The following DLG2 variants were observed in gnomAD, a reference collection of about 807,000 sequenced individuals.
The protein encoded by DLG2 is disks large homolog 2.
In DLG2, 45 loss-of-function variants were observed where a neutral mutation model predicts 132.5. The ratio of observed to expected loss-of-function variants is 0.34; its 90% CI spans 0.27 to 0.44. The LOEUF is 0.44. DLG2 is among the 20% of genes least tolerant of loss of function. The pLI is 1.00. For synonymous variants in DLG2, 424 were observed against 419.6 expected, an observed-to-expected ratio of 1.01 and a Z score of -0.13; for missense variants, 1,045 against 1,196.9, an observed-to-expected ratio of 0.87 and a Z score of 1.87.
chr11:83,668,704 CACATATATAT>C (rs2076190136), intron 18 of DLG2, among the ~76,000 whole-genome samples: 1 of 22,672 alleles, frequency 4.4e-5, no homozygotes, highest in Non-Finnish European at 8.5e-5. Flanking sequence ...TGTATATAAA[CACATATATAT>C]GTGTATATAA....
intron 21 of DLG2, among the ~76,000 whole-genome samples, chr11:83,527,598 T>A (rs1592528208): frequency 6.6e-6 from 1 of 152,116 alleles, no homozygotes; most frequent in Admixed American, 6.6e-5. Context: ...GTTTTTATAA[T>A]GGCTACTCAT....
At chr11:84,369,657 C>T (rs1027182749) in intron 7 of DLG2, among the ~76,000 whole-genome samples, 3 of 152,108 alleles carry the variant, frequency 2.0e-5, no homozygotes, top group South Asian at 4.1e-4. Flanking sequence ...CTTCATGCCA[C>T]AGACATGGTT....
chr11:84,869,086 G>A lies in DLG2; in HGVS notation c.357+242575C>T, dbSNP rs530057536. Among the ~76,000 whole-genome samples the A allele has an allele frequency of 5.3e-5, 8 of 152,254 alleles. No homozygotes were observed. In the South Asian group the frequency reaches 1.5e-3, roughly 28 times the overall value. On this transcript the variant is annotated intron_variant, in intron 6 of 27. Coordinates refer to ENST00000376104, the MANE Select transcript of DLG2 (RefSeq NM_001142699.3). ...AAAATGTACATTTAGGTTCCTACTTGCCTATTTGTTACAGCTGCTGTAATA... is the reference window on the plus strand; with the variant it reads ...AAAATGTACATTTAGGTTCCTACTTACCTATTTGTTACAGCTGCTGTAATA...
intron 21 of DLG2, among the ~76,000 whole-genome samples, chr11:83,518,836 A>G (rs748268362): frequency 6.6e-6 from 1 of 152,166 alleles, no homozygotes; most frequent in Non-Finnish European, 1.5e-5. Context: ...AGAATTAACG[A>G]TAAATAAATA....
intron 4 of DLG2, among the ~76,000 whole-genome samples, chr11:85,176,686 T>C (rs545738176): frequency 1.2e-4 from 19 of 152,176 alleles, no homozygotes; most frequent in African/African-American, 4.3e-4. Context: ...AACCTACAAA[T>C]GGGAGAAAAT....
intron 9 of DLG2, among the ~76,000 whole-genome samples, chr11:84,109,289 A>G (rs2093189364): frequency 6.6e-6 from 1 of 152,104 alleles, no homozygotes; most frequent in African/African-American, 2.4e-5. Flanking sequence ...GGTCCCCACA[A>G]CTGTAAGGGT....
At chr11:84,766,860 A>T (rs971424049) in intron 6 of DLG2, among the ~76,000 whole-genome samples, 2 of 152,138 alleles carry the variant, frequency 1.3e-5, no homozygotes, top group African/African-American at 4.8e-5. Context: ...ATAAATAATC[A>T]TAAACAAAGT....
intron 18 of DLG2, among the ~76,000 whole-genome samples, chr11:83,658,712 A>G (rs1175832360): frequency 1.3e-5 from 2 of 152,184 alleles, no homozygotes; most frequent in East Asian, 3.9e-4. Context: ...AAAATAGCTT[A>G]TCTTTTGGAA....
chr11:84,072,732 A>G (rs962886493), intron 10 of DLG2, among the ~76,000 whole-genome samples: 1 of 152,208 alleles, frequency 6.6e-6, no homozygotes. Context: ...TTATAGCTAG[A>G]ATAATGTTTT....
intron 3 of DLG2, among the ~76,000 whole-genome samples, chr11:85,484,108 G>C (rs1408567918): frequency 6.6e-6 from 1 of 151,862 alleles, no homozygotes; most frequent in Non-Finnish European, 1.5e-5. Context: ...TGAAGAGAGA[G>C]TACAAGAGGG....
At chr11:84,861,216 C>G (rs1443962903) in intron 6 of DLG2, among the ~76,000 whole-genome samples, 2 of 151,914 alleles carry the variant, frequency 1.3e-5, no homozygotes, top group African/African-American at 2.4e-5. Flanking sequence ...AACTGGCTTC[C>G]TAAAGGAGAT....
At chr11:85,498,537 C>T (rs1391359727) in intron 3 of DLG2, among the ~76,000 whole-genome samples, 3 of 152,180 alleles carry the variant, frequency 2.0e-5, no homozygotes, top group Non-Finnish European at 2.9e-5. Context: ...AGAAAATTAA[C>T]AAGGATATCC....
chr11:83,889,651 C>T (rs1018767841), intron 15 of DLG2, among the ~76,000 whole-genome samples: 1 of 152,076 alleles, frequency 6.6e-6, no homozygotes, highest in Non-Finnish European at 1.5e-5. Context: ...TATAAAGACA[C>T]ATGCACATGT....
intron 16 of DLG2, among the ~76,000 whole-genome samples, chr11:83,846,730 A>G (rs1346659896): frequency 6.6e-6 from 1 of 152,122 alleles, no homozygotes; most frequent in South Asian, 2.1e-4. Flanking sequence ...TTCTCGCAAC[A>G]TAAATCAACT....
chr11:84,957,974 C>T (rs2051947756), intron 6 of DLG2, among the ~76,000 whole-genome samples: 1 of 152,186 alleles, frequency 6.6e-6, no homozygotes. Context: ...TGAAATGAGA[C>T]AGATCAGTGT....
At chr11:85,080,392 T>C (rs1401511968) in intron 6 of DLG2, among the ~76,000 whole-genome samples, 1 of 152,154 alleles carries the variant, frequency 6.6e-6, no homozygotes, top group Admixed American at 6.5e-5. Flanking sequence ...GTTTTGATAA[T>C]GACAGGTAAA....
intron 6 of DLG2, among the ~76,000 whole-genome samples, chr11:84,743,180 T>C (rs535472636): frequency 5.3e-4 from 81 of 152,268 alleles, no homozygotes; most frequent in African/African-American, 1.9e-3. Context: ...TACATAACTA[T>C]AGAACAATAT....
intron 6 of DLG2, among the ~76,000 whole-genome samples, chr11:84,621,676 A>G (rs528265852): frequency 1.3e-5 from 2 of 152,232 alleles, no homozygotes; most frequent in African/African-American, 4.8e-5. Flanking sequence ...CTGACTCACT[A>G]ATTGGTTGGT....
chr11:85,394,684 A>G (rs945733201), intron 3 of DLG2, among the ~76,000 whole-genome samples: 1 of 152,220 alleles, frequency 6.6e-6, no homozygotes, highest in Non-Finnish European at 1.5e-5. Flanking sequence ...CAGCCATTCA[A>G]GAATAAAATA....
Sources: allele counts gnomAD v4.1 joint callset (sites outside exome capture counted in the v4.1 genomes callset), GRCh38; gene constraint gnomAD v4.1.1; transcripts MANE v1.5; gene names NCBI Gene and HGNC (gene_info 2026-07-23, HGNC 2026-07-21).